The following CLASP1 variants were observed in gnomAD, a reference collection of about 807,000 sequenced individuals.
CLASP1 encodes the protein cytoplasmic linker associated protein 1, also known as CLIP-associating protein 1.
In CLASP1, 38 loss-of-function variants were observed where a neutral mutation model predicts 192.3. The observed-to-expected ratio is 0.20, with a 90% CI of 0.15 to 0.26. CLASP1 has a LOEUF of 0.26. Among genes scored for constraint, CLASP1 ranks in the 10% least tolerant of loss-of-function variants. CLASP1 has a pLI of 1.00. For synonymous variants in CLASP1, 691 were observed against 712.8 expected, an observed-to-expected ratio of 0.97 and a Z score of 0.49; for missense variants, 1,433 against 1,932.5, an observed-to-expected ratio of 0.74 and a Z score of 4.85.
At chr2:121,553,343 T>C (rs1232674602) in intron 2 of CLASP1, among the ~76,000 whole-genome samples, 1 of 152,052 alleles carries the variant, frequency 6.6e-6, no homozygotes, top group Non-Finnish European at 1.5e-5. Flanking sequence ...GAACCTAAAA[T>C]AAAACTTTAA....
chr2:121,530,584 C>G (rs1184225930), intron 2 of CLASP1: 4 of 532,816 alleles, frequency 7.5e-6, no homozygotes, highest in African/African-American at 1.9e-5. Context: ...CCCGGGTTAG[C>G]TGCGGGTGGA....
At chr2:121,534,334 C>T (rs1187065053) in intron 2 of CLASP1, among the ~76,000 whole-genome samples, 1 of 152,134 alleles carries the variant, frequency 6.6e-6, no homozygotes, top group Non-Finnish European at 1.5e-5. Context: ...ATAAAACAGC[C>T]TTCACAGGGA....
Position 121,571,849 on chromosome 2 carries a change from T to C in CLASP1, c.195+33852A>G, listed in dbSNP as rs1331605051. Among the ~76,000 whole-genome samples the C allele has an allele frequency of 2.6e-5, 4 of 151,974 alleles. No individual in the cohort carries two copies. The East Asian group carries it at 7.7e-4, about 29-fold the overall frequency. ...CAAAAATATTAGAGGGTGTTGAGTA[T>C]CATGCTCAGGTGTTTGGGCTTTCTT... On this transcript the variant is annotated intron_variant, in intron 2 of 39. Coordinates refer to ENST00000263710, the Ensembl canonical transcript of CLASP1.
At chr2:121,462,486 G>C in intron 10 of CLASP1, 46 bp downstream of exon 10, 1 of 1,080,650 alleles carries the variant, frequency 9.3e-7, no homozygotes, top group South Asian at 1.4e-5. Flanking sequence ...AACTTGAAGA[G>C]TAAGTTGACC....
At chr2:121,581,144 C>T (rs537472571) in intron 2 of CLASP1, among the ~76,000 whole-genome samples, 2 of 152,034 alleles carry the variant, frequency 1.3e-5, no homozygotes, top group African/African-American at 2.4e-5. Context: ...CTAATTTAGA[C>T]TCTATTCACA....
chr2:121,630,601 C>A (rs145162014), intron 1 of CLASP1, among the ~76,000 whole-genome samples: 1 of 151,762 alleles, frequency 6.6e-6, no homozygotes, highest in Admixed American at 6.6e-5. Flanking sequence ...TGGTGGCTCA[C>A]GCCTATAATC....
At chr2:121,592,420 T>G (rs2062516219) in intron 2 of CLASP1, among the ~76,000 whole-genome samples, 1 of 152,228 alleles carries the variant, frequency 6.6e-6, no homozygotes, top group African/African-American at 2.4e-5. Flanking sequence ...TGTACCTAAG[T>G]AACATTAATT....
intron 19 of CLASP1, among the ~76,000 whole-genome samples, chr2:121,444,435 T>C (rs1195724109): frequency 1.3e-5 from 2 of 152,204 alleles, no homozygotes; most frequent in African/African-American, 2.4e-5. Context: ...GAGAAAAATA[T>C]ATTTTTTTAT....
At chr2:121,461,330 G>C (rs2087899592) in intron 10 of CLASP1, 137 bp from the exon 11 acceptor site, 5 of 589,118 alleles carry the variant, frequency 8.5e-6, no homozygotes, top group African/African-American at 1.9e-5. Context: ...GAAAATATCT[G>C]AACAGTTTTG....
chr2:121,606,193 A>G lies in CLASP1; in HGVS notation c.-285-13T>C. ...TCAGCAGTCCATTCTGAAAAGTAAG[A>G]GAAGAGAACGACAAATTAGCACAGA... On this transcript the variant is annotated splice_polypyrimidine_tract_variant and intron_variant, in intron 1 of 39. Transcript: ENST00000263710. The G allele has an allele frequency of 2.2e-6, 1 of 456,460 alleles. No individual in the cohort carries two copies. The highest frequency in any genetic ancestry group is 3.8e-6 in the Non-Finnish European group (1 of 259,884). 28.3% of individuals were successfully genotyped at this position (456,460 alleles called of 1,614,324 possible).
At chr2:121,386,426 T>G (rs2073205109) in intron 32 of CLASP1, among the ~76,000 whole-genome samples, 1 of 152,168 alleles carries the variant, frequency 6.6e-6, no homozygotes, top group Non-Finnish European at 1.5e-5. Flanking sequence ...CTGCTTTGAG[T>G]GGGGCCATGG....
At chr2:121,402,726 T>G in intron 26 of CLASP1, 3 of 499,460 alleles carry the variant, frequency 6.0e-6, no homozygotes, top group South Asian at 4.4e-5. Flanking sequence ...GTTCACGTTA[T>G]AAATCTTAAG....
At chr2:121,603,856 G>A (rs1469151917) in intron 2 of CLASP1, among the ~76,000 whole-genome samples, 1 of 152,208 alleles carries the variant, frequency 6.6e-6, no homozygotes, top group Non-Finnish European at 1.5e-5. Flanking sequence ...CATATGTGAA[G>A]CTAAATAACA....
chr2:121,454,883 G>A (rs1399737049), intron 14 of CLASP1, among the ~76,000 whole-genome samples: 2 of 152,218 alleles, frequency 1.3e-5, no homozygotes, highest in Non-Finnish European at 2.9e-5. Flanking sequence ...AGCCACAGCT[G>A]CAACAAATTA....
chr2:121,647,560 A>G (rs2073400273), intron 1 of CLASP1, among the ~76,000 whole-genome samples: 1 of 152,122 alleles, frequency 6.6e-6, no homozygotes, highest in African/African-American at 2.4e-5. Context: ...ATTCTATCCC[A>G]CTAGTTACTT....
chr2:121,571,106 GC>G (rs1317412877), intron 2 of CLASP1, among the ~76,000 whole-genome samples: 2 of 151,620 alleles, frequency 1.3e-5, no homozygotes, highest in Non-Finnish European at 2.9e-5. Context: ...AACACAAAAG[GC>G]CACCTCAAAT....
intron 2 of CLASP1, among the ~76,000 whole-genome samples, chr2:121,564,280 T>C (rs1021901563): frequency 1.3e-5 from 2 of 152,198 alleles, no homozygotes; most frequent in Non-Finnish European, 2.9e-5. Context: ...TCTATAAATG[T>C]TCCATGTACG....
At chr2:121,347,084 A>T in exon 39 of CLASP1, 1 of 1,586,754 alleles carries the variant, frequency 6.3e-7, no homozygotes, top group Non-Finnish European at 8.6e-7. Context: ...GTCTTCTCCG[A>T]TTACGGAATA....
intron 2 of CLASP1, among the ~76,000 whole-genome samples, chr2:121,540,087 G>A (rs2095195822): frequency 6.6e-6 from 1 of 152,234 alleles, no homozygotes; most frequent in African/African-American, 2.4e-5. Context: ...CAATACTGCT[G>A]CTAGGATATA....
Sources: allele counts gnomAD v4.1 joint callset (sites outside exome capture counted in the v4.1 genomes callset), GRCh38; gene constraint gnomAD v4.1.1; transcripts MANE v1.5; gene names NCBI Gene and HGNC (gene_info 2026-07-23, HGNC 2026-07-21).